MUSK: variants seen among roughly 807,000 people sequenced by gnomAD.
MUSK encodes muscle associated receptor tyrosine kinase, also known as muscle, skeletal receptor tyrosine-protein kinase.
Under a neutral mutation model 88.7 loss-of-function variants are expected in MUSK, and 55 were observed. That is an observed-to-expected ratio of 0.62 (90% CI 0.50 to 0.78). The LOEUF (loss-of-function observed/expected upper bound fraction) is 0.78. Ranked by LOEUF, MUSK falls within the 30% of genes least tolerant of loss-of-function variation. The pLI is 0.00. For missense variants in MUSK, 1,015 were observed against 1,074.3 expected, an observed-to-expected ratio of 0.94 and a Z score of 0.77; for synonymous variants, 387 against 391.9, an observed-to-expected ratio of 0.99 and a Z score of 0.15.
intron 5 of MUSK, among the ~76,000 whole-genome samples, chr9:110,701,753 T>C (rs1191230669): frequency 0.059 from 2 of 34 alleles, no homozygotes; most frequent in Non-Finnish European, 0.1. Context: ...TATTTTATTT[T>C]ATTTTATTTT....
At chr9:110,765,359 G>A (rs1202676124) in intron 8 of MUSK, among the ~76,000 whole-genome samples, 1 of 152,154 alleles carries the variant, frequency 6.6e-6, no homozygotes, top group Non-Finnish European at 1.5e-5. Context: ...TCGTAAACCA[G>A]TTTGAGATAT....
intron 3 of MUSK, among the ~76,000 whole-genome samples, chr9:110,690,426 A>G (rs2076327506): frequency 9.1e-6 from 1 of 109,292 alleles, no homozygotes; most frequent in Non-Finnish European, 1.6e-5. Context: ...AAATATAAAT[A>G]TATATTTCAA....
chr9:110,804,428 T>C lies in MUSK; in HGVS notation c.*3440T>C, dbSNP rs990530577. ...TGCTTTCATAGATAATTTTCTGTTT[T>C]TTAGAAATCTTTTGTCTCTTTGGTT... is the stretch of plus-strand genomic sequence containing the variant. On this transcript the variant is annotated 3_prime_UTR_variant, in exon 15 of 15. Transcript: ENST00000374448. Among the ~76,000 whole-genome samples, 10 of 152,138 alleles carry C rather than the reference T, an allele frequency of 6.6e-5. No individual in the cohort carries two copies. Among genetic ancestry groups the C allele is most frequent in the Admixed American group, 1.3e-4 (2 of 15,282 alleles).
At position 110,806,234 on chromosome 9, in the gene MUSK, T is replaced by C. The variant is rs1205714140; in HGVS notation, c.*5246T>C. Among the ~76,000 whole-genome samples the C allele has an allele frequency of 1.3e-5, 2 of 152,144 alleles. No homozygotes were observed. The highest frequency in any genetic ancestry group is 6.5e-5 in the Admixed American group (1 of 15,270). On this transcript the variant is annotated 3_prime_UTR_variant, in exon 15 of 15. Coordinates refer to ENST00000374448, the MANE Select transcript of MUSK (RefSeq NM_005592.4). The stretch of plus-strand genomic sequence containing the variant: ...CACTCTGACTCAAACTCCCTTTCTT[T>C]TTCCTGAGATATGTTAACTTCTAAT...
At chr9:110,734,895 T>C (rs1056690647) in intron 6 of MUSK, among the ~76,000 whole-genome samples, 2 of 152,242 alleles carry the variant, frequency 1.3e-5, no homozygotes, top group East Asian at 3.9e-4. Context: ...ATTGAGCTTC[T>C]GAACATCAAA....
chr9:110,756,634 T>C (rs549769163), intron 7 of MUSK, among the ~76,000 whole-genome samples: 1 of 152,290 alleles, frequency 6.6e-6, no homozygotes, highest in East Asian at 1.9e-4. Context: ...ATGAGATGTG[T>C]TGTTACCATT....
intron 11 of MUSK, among the ~76,000 whole-genome samples, chr9:110,780,709 G>C (rs1178669994): frequency 2.0e-5 from 3 of 152,162 alleles, no homozygotes; most frequent in Admixed American, 2.0e-4. Flanking sequence ...GAAGCAGGTA[G>C]TCTGGTGTGA....
At chr9:110,735,270 C>T (rs565026191) in intron 6 of MUSK, among the ~76,000 whole-genome samples, 23 of 151,944 alleles carry the variant, frequency 1.5e-4, no homozygotes, top group Non-Finnish European at 2.4e-4. Context: ...ATGTTTATTG[C>T]GGCACTATTC....
In MUSK at chr9:110,802,795, C is replaced by T. The variant is rs1461339605; in HGVS notation, c.*1807C>T. ...CCTGAACAGATTCTGTAGGATACAA[C>T]GACAGTAAGGCGGTCCTTAGTCACA... On this transcript the variant is annotated 3_prime_UTR_variant, in exon 15 of 15. Transcript: ENST00000374448. 3.9e-5 allele frequency among the ~76,000 whole-genome samples: 6 copies of T among 152,130 alleles called. No individual in the cohort carries two copies. The highest frequency in any genetic ancestry group is 8.8e-5 in the Non-Finnish European group (6 of 68,034).
At chr9:110,684,174 G>T (rs1346643204) in intron 2 of MUSK, among the ~76,000 whole-genome samples, 1 of 151,950 alleles carries the variant, frequency 6.6e-6, no homozygotes, top group Non-Finnish European at 1.5e-5. Context: ...GAGAGATAGG[G>T]GTCTAGTTTT....
Position 110,728,570 on chromosome 9 carries a change from C to G in MUSK, c.629-5681C>G, listed in dbSNP as rs562991527. On this transcript the variant is annotated intron_variant, in intron 5 of 14. Transcript: ENST00000374448. ...TATTGAAATAAGAAACAAGCAGCTT[C>G]TAATTAATCTTGTTGCACAACTGAT... is the stretch of plus-strand genomic sequence containing the variant. The G allele has an allele frequency of 1.0e-4, 73 of 703,034 alleles. No homozygotes were observed. The African/African-American group carries it at 1.2e-3, about 11-fold the overall frequency. 43.5% of individuals were successfully genotyped at this position (703,034 alleles called of 1,614,324 possible).
At chr9:110,682,088 T>C (rs903533461) in intron 1 of MUSK, among the ~76,000 whole-genome samples, 1 of 152,060 alleles carries the variant, frequency 6.6e-6, no homozygotes, top group Non-Finnish European at 1.5e-5. Context: ...CACAAAGTGG[T>C]GTCTCTTCAT....
chr9:110,728,372 G>A (rs2076916889), intron 5 of MUSK: 1 of 311,624 alleles, frequency 3.2e-6, no homozygotes, highest in Non-Finnish European at 5.9e-6. Context: ...TTGAAAGAAA[G>A]GGTAACTGTC....
chr9:110,800,677 C>A lies in MUSK; in HGVS notation c.2299C>A (p.Arg767Ser). 1 of 1,613,990 alleles carries A rather than the reference C, an allele frequency of 6.2e-7. No homozygotes were observed. The highest frequency in any genetic ancestry group is 2.2e-5 in the East Asian group (1 of 44,872). The change falls in exon 15 of 15, where the codon CGT becomes AGT. Residue 767 changes from arginine (R) to serine (S), a missense_variant. By Grantham distance (110) the Arg-to-Ser change is moderately radical. Transcript: ENST00000374448. ...KANENDAIPI[R>S]WMPPESIFYN... ...TAATGAAAACGACGCTATCCCTATC[C>A]GTTGGATGCCACCAGAGTCCATTTT... is the stretch of plus-strand genomic sequence containing the variant.
rs1343915739 is a variant in MUSK, at chr9:110,681,187, C to A, written c.80-1487C>A. Among the ~76,000 whole-genome samples the A allele has an allele frequency of 5.7e-5, 4 of 70,024 alleles. No individual in the cohort carries two copies. In the Admixed American group the frequency reaches 7.7e-4, roughly 13 times the overall value. 45.9% of individuals were successfully genotyped at this position (70,024 alleles called of 152,430 possible). On this transcript the variant is annotated intron_variant, in intron 1 of 14. Transcript: ENST00000374448. ...AAAATTATTATAATATATATTATAACAATCCTTATAATATATATTATAATG... is the reference window on the plus strand; with the variant it reads ...AAAATTATTATAATATATATTATAAAAATCCTTATAATATATATTATAATG...
chr9:110,787,507 A>G (rs1398973836), intron 13 of MUSK, among the ~76,000 whole-genome samples, 183 bp from the exon 14 acceptor site: 1 of 152,028 alleles, frequency 6.6e-6, no homozygotes, highest in African/African-American at 2.4e-5. Context: ...GATTTTTATT[A>G]GTTGACATCA....
chr9:110,747,603 C>T (rs775415336), intron 6 of MUSK, 38 bp from the exon 7 acceptor site: 1 of 1,579,460 alleles, frequency 6.3e-7, no homozygotes, highest in Non-Finnish European at 8.7e-7. Context: ...AGTGGGAAAT[C>T]CTTGACTGAG....
intron 5 of MUSK, among the ~76,000 whole-genome samples, chr9:110,709,975 C>CT (rs981825492): frequency 4.7e-5 from 7 of 150,048 alleles, no homozygotes; most frequent in Non-Finnish European, 1.0e-4. Flanking sequence ...TGAGACCCCC[C>CT]TCTCTAAAAA....
intron 11 of MUSK, among the ~76,000 whole-genome samples, chr9:110,781,402 G>A (rs572501749): frequency 3.0e-4 from 45 of 152,000 alleles, no homozygotes; most frequent in African/African-American, 8.7e-4. Context: ...TCAGCCTCCC[G>A]AGTAGCTGGG....
Sources: allele counts gnomAD v4.1 joint callset (sites outside exome capture counted in the v4.1 genomes callset), GRCh38; gene constraint gnomAD v4.1.1; transcripts MANE v1.5; gene names NCBI Gene and HGNC (gene_info 2026-07-23, HGNC 2026-07-21).